PGM5: variants seen among roughly 807,000 people sequenced by gnomAD.
PGM5 encodes phosphoglucomutase 5, also known as phosphoglucomutase-like protein 5.
A neutral mutation model predicts 59.2 loss-of-function variants in PGM5; 23 were observed. That is an observed-to-expected ratio of 0.39 (90% CI 0.28 to 0.55). The LOEUF (loss-of-function observed/expected upper bound fraction) is 0.55, where lower values mean the gene tolerates loss of function less well. PGM5 is among the 20% of genes least tolerant of loss of function. The probability of loss-of-function intolerance (pLI) is 0.66; values close to 1 mark genes in which losing one functional copy is unlikely to be tolerated. For missense variants in PGM5, 574 were observed against 748.3 expected (o/e 0.77, Z 2.72); for synonymous variants, 214 against 286.0 (o/e 0.75, Z 2.54).
chr9:68,510,942 C>A (rs1273216600), intron 10 of PGM5, among the ~76,000 whole-genome samples: 1 of 152,170 alleles, frequency 6.6e-6, no homozygotes, highest in Non-Finnish European at 1.5e-5. Context: ...GAGGTAAAGT[C>A]AGTATAAACA....
rs1452143635 is a variant in PGM5 at position 68,408,627 on chromosome 9, T to C, written c.1043+16154T>C. On this transcript the variant is annotated intron_variant, in intron 6 of 10. Transcript: ENST00000396396. ...GCTTTTCTTGCCATTGCTTTTGGTGTTTTAGACATGAAGTCCTTGCCCATG... is the reference window on the plus strand; with the variant it reads ...GCTTTTCTTGCCATTGCTTTTGGTGCTTTAGACATGAAGTCCTTGCCCATG... 1.2e-4 allele frequency among the ~76,000 whole-genome samples: 18 copies of C among 152,352 alleles called. 1 individual carries two copies. Among genetic ancestry groups the C allele is most frequent in the Admixed American group, 1.1e-3 (17 of 15,302 alleles).
chr9:68,529,058 T>C (rs1204721934), intron 10 of PGM5, among the ~76,000 whole-genome samples: 1 of 152,148 alleles, frequency 6.6e-6, no homozygotes, highest in Non-Finnish European at 1.5e-5. Flanking sequence ...GCATGATCAG[T>C]CATTTCTGCA....
rs782525881 is a variant in PGM5 at position 68,380,435 on chromosome 9, AT to A, written c.424+2075del. Among the ~76,000 whole-genome samples the A allele has an allele frequency of 1.1e-4, 16 of 152,078 alleles. No individual in the cohort carries two copies. In the East Asian group the frequency reaches 2.7e-3, roughly 26 times the overall value. On this transcript the variant is annotated intron_variant, in intron 2 of 10. Transcript: ENST00000396396. ...AACACAATGTATCAAAACCTACAGT[AT>A]GCGGCAAAGTCAGTTCTAAGAGAGA...
At chr9:68,410,894 T>C (rs530521664) in intron 6 of PGM5, among the ~76,000 whole-genome samples, 21 of 152,374 alleles carry the variant, frequency 1.4e-4, no homozygotes, top group African/African-American at 5.0e-4. Flanking sequence ...AGGTGGGTAA[T>C]TCATTGCCTC....
At chr9:68,385,677 C>T (rs1822200189) in intron 3 of PGM5, among the ~76,000 whole-genome samples, 1 of 151,944 alleles carries the variant, frequency 6.6e-6, no homozygotes, top group African/African-American at 2.4e-5. Context: ...TTATATTAAG[C>T]AAAATGATTT....
intron 6 of PGM5, among the ~76,000 whole-genome samples, chr9:68,420,493 TTA>T (rs1428100142): frequency 2.0e-5 from 3 of 152,192 alleles, no homozygotes; most frequent in Non-Finnish European, 2.9e-5. Context: ...TTTAGGAATA[TTA>T]CATCAAATGT....
At chr9:68,446,071 T>G (rs1554683993) in intron 6 of PGM5, among the ~76,000 whole-genome samples, 2 of 152,198 alleles carry the variant, frequency 1.3e-5, no homozygotes, top group Non-Finnish European at 2.9e-5. Context: ...TTCCTTGGCT[T>G]TTTGAGGCAA....
At chr9:68,432,827 G>C (rs375358992) in intron 6 of PGM5, among the ~76,000 whole-genome samples, 2 of 152,006 alleles carry the variant, frequency 1.3e-5, no homozygotes, top group Admixed American at 6.5e-5. Context: ...GGCTGGTATC[G>C]AACTCCTGAC....
chr9:68,421,967 A>G (rs1554682376), intron 6 of PGM5, among the ~76,000 whole-genome samples: 2 of 152,162 alleles, frequency 1.3e-5, no homozygotes, highest in African/African-American at 4.8e-5. Context: ...ATGAAGAGAA[A>G]AAAGCAAAAA....
chr9:68,488,141 GA>G (rs1186264710), intron 9 of PGM5, among the ~76,000 whole-genome samples: 1 of 151,728 alleles, frequency 6.6e-6, no homozygotes, highest in Non-Finnish European at 1.5e-5. Context: ...AAGAAAAGCA[GA>G]AAAAAAACAC....
intron 6 of PGM5, among the ~76,000 whole-genome samples, chr9:68,410,255 A>G (rs1456450850): frequency 4.8e-5 from 7 of 144,392 alleles, no homozygotes; most frequent in African/African-American, 1.7e-4. Context: ...TGATGTGGCC[A>G]CACATAGCTC....
At chr9:68,389,578 T>C (rs372537999) in intron 4 of PGM5, among the ~76,000 whole-genome samples, 190 of 152,272 alleles carry the variant, frequency 1.2e-3, no homozygotes, top group African/African-American at 4.4e-3. Flanking sequence ...TATCAGTAGT[T>C]GTTCCTTTTA....
At chr9:68,523,679 G>A (rs1357697211) in intron 10 of PGM5, among the ~76,000 whole-genome samples, 4 of 152,050 alleles carry the variant, frequency 2.6e-5, no homozygotes, top group African/African-American at 9.7e-5. Context: ...TGCATTTCTG[G>A]TTTGTATTGC....
At chr9:68,376,910 T>TTCTCTC (rs1821933585) in intron 1 of PGM5, among the ~76,000 whole-genome samples, 5 of 150,746 alleles carry the variant, frequency 3.3e-5, no homozygotes, top group Non-Finnish European at 7.4e-5. Context: ...CTCTCTTTCT[T>TTCTCTC]TCTTTCTTTT....
At chr9:68,453,399 C>CAT (rs1189281753) in intron 6 of PGM5, among the ~76,000 whole-genome samples, 1 of 152,156 alleles carries the variant, frequency 6.6e-6, no homozygotes, top group Non-Finnish European at 1.5e-5. Context: ...AGTACAGTGG[C>CAT]ATAATTATAG....
intron 10 of PGM5, among the ~76,000 whole-genome samples, chr9:68,500,289 G>A (rs762392193): frequency 6.6e-6 from 1 of 151,944 alleles, no homozygotes; most frequent in Non-Finnish European, 1.5e-5. Context: ...TAGTTTAGGG[G>A]TTTTTTTGTT....
chr9:68,461,588 T>G (rs1823859758), intron 6 of PGM5, among the ~76,000 whole-genome samples: 1 of 152,154 alleles, frequency 6.6e-6, no homozygotes, highest in Non-Finnish European at 1.5e-5. Context: ...CCTTCCTCAT[T>G]AATGGCATTA....
chr9:68,448,379 C>T (rs1554684134), intron 6 of PGM5, among the ~76,000 whole-genome samples: 1 of 152,172 alleles, frequency 6.6e-6, no homozygotes, highest in Non-Finnish European at 1.5e-5. Context: ...CGTGTAGCCT[C>T]TCTTGAGACC....
intron 6 of PGM5, among the ~76,000 whole-genome samples, chr9:68,424,998 G>T (rs1823210240): frequency 1.3e-5 from 2 of 152,056 alleles, no homozygotes; most frequent in African/African-American, 2.4e-5. Context: ...AGACAAATTT[G>T]GTATAATCCT....
Sources: allele counts gnomAD v4.1 joint callset (sites outside exome capture counted in the v4.1 genomes callset), GRCh38; gene constraint gnomAD v4.1.1; transcripts MANE v1.5; gene names NCBI Gene and HGNC (gene_info 2026-07-23, HGNC 2026-07-21).